CCNA2: variants seen among roughly 807,000 people sequenced by gnomAD.
CCNA2 encodes the protein cyclin-A2.
A neutral mutation model predicts 49.4 loss-of-function variants in CCNA2; 3 were observed. That is an observed-to-expected ratio of 0.06 (90% confidence interval 0.03 to 0.16). The LOEUF (loss-of-function observed/expected upper bound fraction) is 0.16. Ranked by LOEUF, CCNA2 falls within the 10% of genes least tolerant of loss-of-function variation. The pLI is 1.00. For missense variants in CCNA2, 372 were observed against 519.7 expected (o/e 0.72, Z 2.76); for synonymous variants, 206 against 197.2 (o/e 1.04, Z -0.37).
In CCNA2 at chr4:121,820,860, AAACTT is replaced by A. The variant is rs1724675115; in HGVS notation, c.571-100_571-96del. On this transcript the variant is annotated intron_variant, in intron 3 of 7. Coordinates refer to ENST00000274026, the MANE Select transcript of CCNA2 (RefSeq NM_001237.5). This position sits in a 1 kb window ranked among gnomAD's most constrained non-coding sequence, Gnocchi z 4.1. ...TTAATTACGAGAGGCTACATGCTAT[AAACTT>A]AACTGTAGCATTAGAATAATTCATT... The A allele has an allele frequency of 9.7e-6, 12 of 1,243,172 alleles. No individual in the cohort carries two copies. Among genetic ancestry groups the A allele is most frequent in the Non-Finnish European group, 1.4e-5 (12 of 868,512 alleles). The allele number at this position is 1,243,172 out of a possible 1,614,324, so 77.0% of individuals were successfully genotyped here. A position where few individuals can be genotyped will look rare whatever the true frequency, so the allele number is the denominator to read the frequency against.
In CCNA2 at chr4:121,819,902, T is replaced by C. The variant is rs149621340; in HGVS notation, c.795-323A>G. The stretch of plus-strand genomic sequence containing the variant: ...AGGAAATACAAGTCTTAGGAAAACA[T>C]GTTTCATGTTTTCATTTTTAAATTT... On this transcript the variant is annotated intron_variant, in intron 4 of 7. Transcript: ENST00000274026. Among the ~76,000 whole-genome samples the C allele has an allele frequency of 2.4e-4, 37 of 151,960 alleles. 1 individual carries two copies. The South Asian group carries it at 2.5e-3, about 10-fold the overall frequency.
intron 4 of CCNA2, among the ~76,000 whole-genome samples, chr4:121,819,834 G>C (rs3217767): frequency 1.3e-5 from 2 of 151,992 alleles, no homozygotes; most frequent in Non-Finnish European, 2.9e-5. Flanking sequence ...GAGACTTCTC[G>C]AGATGGGAAC....
At position 121,822,534 on chromosome 4, in the gene CCNA2, T is replaced by G. The variant is rs775406517; in HGVS notation, c.326A>C (p.Glu109Ala). 1.6e-5 allele frequency: 26 copies of G among 1,614,076 alleles called. No individual in the cohort carries two copies. The highest frequency in any genetic ancestry group is 1.6e-4 in the Middle Eastern group (1 of 6,084). ...FTIHVDEAEK[E>A]AQKKPAESQK... ...AGATTCAGCTGGCTTCTTCTGAGCT[T>G]CTTTTTCTGCTTCATCCACATGAAT... is the stretch of plus-strand genomic sequence containing the variant. Residue 109 changes from glutamate to alanine, a missense_variant, in exon 2 of 8, where the codon GAA (glutamate) becomes GCA (alanine). Around this residue, in one of 2 missense-constraint regions of CCNA2, gnomAD observed 217 missense variants for 231.7 expected, o/e 0.94. Coordinates refer to ENST00000274026, the MANE Select transcript of CCNA2 (RefSeq NM_001237.5).
Position 121,816,881 on chromosome 4 carries a change from T to C in CCNA2, c.*757A>G, listed in dbSNP as rs143489679. On this transcript the variant is annotated 3_prime_UTR_variant, in exon 8 of 8. Coordinates refer to ENST00000274026, the MANE Select transcript of CCNA2 (RefSeq NM_001237.5). ...AAGCTAACAGTTGTATATCTGTATA[T>C]ATAACTATTAAAAGGGATATTTATT... The C allele has an allele frequency of 7.3e-6, 11 of 1,516,416 alleles. No individual in the cohort carries two copies. In the African/African-American group the frequency reaches 1.3e-4, roughly 18 times the overall value. The allele number at this position is 1,516,416 out of a possible 1,614,324, so 93.9% of individuals were successfully genotyped here.
intron 7 of CCNA2, 38 bp downstream of exon 7, chr4:121,818,006 C>G: frequency 6.4e-7 from 1 of 1,571,598 alleles, no homozygotes; most frequent in Non-Finnish European, 8.7e-7. Context: ...GAACCATAAT[C>G]TAGAAAAGTA....
intron 6 of CCNA2, 131 bp downstream of exon 6, chr4:121,818,669 C>G: frequency 1.6e-6 from 1 of 633,130 alleles, no homozygotes; most frequent in Non-Finnish European, 2.8e-6. Flanking sequence ...TTTCAAAGGT[C>G]AACTATATAT....
intron 4 of CCNA2, 147 bp from the exon 5 acceptor site, chr4:121,819,726 G>C (rs1013504612): frequency 6.1e-5 from 38 of 619,538 alleles, no homozygotes; most frequent in Admixed American, 3.2e-4. Flanking sequence ...ATTTCTAGTA[G>C]AGACTGGATA....
Position 121,821,032 on chromosome 4 carries a change from T to G in CCNA2, c.517A>C (p.Asn173His), listed in dbSNP as rs1179819975. 6.2e-7 allele frequency: 1 copy of G among 1,613,116 alleles called. No homozygotes were observed. Among genetic ancestry groups the G allele is most frequent in the Non-Finnish European group, 8.5e-7 (1 of 1,179,344 alleles). The change falls in exon 3 of 8, where the codon AAT becomes CAT. Residue 173 changes from asparagine (N) to histidine (H), a missense_variant. Around this residue, in one of 2 missense-constraint regions of CCNA2, gnomAD observed 217 missense variants for 231.7 expected, o/e 0.94. Coordinates refer to ENST00000274026, the MANE Select transcript of CCNA2 (RefSeq NM_001237.5). ...TCCTCATGGTAGTCTGGTACTTCAT[T>G]AACACTCACTGGCTTTTCATCTTCT... ...ILEDEKPVSV[N>H]EVPDYHEDIH...
rs527647078 is a variant in CCNA2, at chr4:121,823,862, G to A, written c.-234C>T. On this transcript the variant is annotated 5_prime_UTR_variant, in exon 1 of 8. Transcript: ENST00000274026. ...CAGCGTGGCGAGCCAAAGACGCCCAGAGATGCAGCGAGCAGCCCGCCGGAG... is the reference window on the plus strand; with the variant it reads ...CAGCGTGGCGAGCCAAAGACGCCCAAAGATGCAGCGAGCAGCCCGCCGGAG... The A allele has an allele frequency of 6.0e-5, 39 of 654,840 alleles. No individual in the cohort carries two copies. The highest frequency in any genetic ancestry group is 5.8e-4 in the African/African-American group (30 of 51,720). The allele number at this position is 654,840 out of a possible 1,614,324, so 40.6% of individuals were successfully genotyped here.
At position 121,816,478 on chromosome 4, in the gene CCNA2, T is replaced by C. The variant is rs1245196827; in HGVS notation, c.*1160A>G. On this transcript the variant is annotated 3_prime_UTR_variant, in exon 8 of 8. Transcript: ENST00000274026. Reference sequence around the variant, plus strand: ...AAATTTCTGGTTTATTTCAAATGTATACATATACTCAACACTTATAGAGGT... The same window carrying C: ...AAATTTCTGGTTTATTTCAAATGTACACATATACTCAACACTTATAGAGGT... 2 of 1,342,652 alleles carry C rather than the reference T, an allele frequency of 1.5e-6. No individual in the cohort carries two copies. Among genetic ancestry groups the C allele is most frequent in the East Asian group, 2.3e-5 (1 of 42,768 alleles). 83.2% of individuals were successfully genotyped at this position (1,342,652 alleles called of 1,614,324 possible). A position where few individuals can be genotyped will look rare whatever the true frequency, so the allele number is the denominator to read the frequency against.
chr4:121,816,554 C>T lies in CCNA2; in HGVS notation c.*1084G>A. ...TGCCACATGACTATAAACAAAAAGA[C>T]ATCCCTTTTTCATTAGAGATCCATC... On this transcript the variant is annotated 3_prime_UTR_variant, in exon 8 of 8. Coordinates refer to ENST00000274026, the MANE Select transcript of CCNA2 (RefSeq NM_001237.5). 5.9e-6 allele frequency: 5 copies of T among 846,920 alleles called. No homozygotes were observed. Among genetic ancestry groups the T allele is most frequent in the Non-Finnish European group, 9.0e-6 (5 of 552,920 alleles). The allele number at this position is 846,920 out of a possible 1,614,324, so 52.5% of individuals were successfully genotyped here.
Position 121,822,523 on chromosome 4 carries a change from T to G in CCNA2, c.337A>C (p.Lys113Gln), listed in dbSNP as rs140275604. Residue 113 changes from lysine (K) to glutamine (Q), a missense_variant, in exon 2 of 8, where the codon AAG (lysine) becomes CAG (glutamine). By Grantham distance (53) the Lys-to-Gln change is moderately conservative (BLOSUM62 1). Transcript: ENST00000274026. ...VDEAEKEAQK[K>Q]PAESQKIERE... ...TCTATTTTTTGAGATTCAGCTGGCT[T>G]CTTCTGAGCTTCTTTTTCTGCTTCA... The G allele has an allele frequency of 2.2e-4, 349 of 1,614,184 alleles. 1 individual carries two copies. In the East Asian group the frequency reaches 6.9e-3, roughly 32 times the overall value.
rs1724668593 is a variant in CCNA2, at chr4:121,820,585, C to T, written c.751G>A (p.Gly251Arg). ...GCAGTGCCCACAAGCTGAAGTTTTC[C>T]TCTCAGCACTGACATGGAAGACAGG... ...RFLSSMSVLR[G>R]KLQLVGTAAM... Residue 251 changes from glycine to arginine, a missense_variant, in exon 4 of 8, where the codon GGA (glycine) becomes AGA (arginine). By Grantham distance (125) the Gly-to-Arg change is moderately radical. Transcript: ENST00000274026. The surrounding 1 kb of genome is among the most constrained non-coding windows in gnomAD (Gnocchi z 4.1). 3 of 1,614,076 alleles carry T rather than the reference C, an allele frequency of 1.9e-6. No homozygotes were observed. Among genetic ancestry groups the T allele is most frequent in the Non-Finnish European group, 2.5e-6 (3 of 1,179,956 alleles).
intron 5 of CCNA2, 68 bp downstream of exon 5, chr4:121,819,304 A>G: frequency 8.3e-7 from 1 of 1,208,644 alleles, no homozygotes; most frequent in Non-Finnish European, 1.2e-6. Context: ...TTCCTTTACA[A>G]AGGAATTAGG....
rs1724635565 is a variant in CCNA2 at position 121,819,485 on chromosome 4, G to A, written c.889C>T (p.Leu297=). The change falls in exon 5 of 8, where the codon CTA becomes TTA. Residue 297 remains leucine (L), a synonymous_variant. Coordinates refer to ENST00000274026, the MANE Select transcript of CCNA2 (RefSeq NM_001237.5). ...TCAAAAGTAAGGACTTTCAAAACTA[G>A]ATGCTCCATTCTCAGAACTTGTTTC... ...TKKQVLRMEH[L]VLKVLTFDLA... is the part of the protein sequence containing the mutation. 6.2e-7 allele frequency: 1 copy of A among 1,613,554 alleles called. No individual in the cohort carries two copies. The highest frequency in any genetic ancestry group is 1.7e-5 in the Admixed American group (1 of 60,006).
chr4:121,819,556 G>T lies in CCNA2; in HGVS notation c.818C>A (p.Pro273Gln). 1 of 1,610,950 alleles carries T rather than the reference G, an allele frequency of 6.2e-7. No homozygotes were observed. Among genetic ancestry groups the T allele is most frequent in the Non-Finnish European group, 8.5e-7 (1 of 1,177,260 alleles). The change falls in exon 5 of 8, where the codon CCA (proline) becomes CAA (glutamine). Residue 273 changes from proline (P) to glutamine (Q), a missense_variant. Physicochemically the swap from Pro to Gln is moderately conservative, Grantham distance 76. This residue lies in a region of CCNA2 where 155 missense variants were observed against 288.1 expected (regional missense o/e 0.54). Coordinates refer to ENST00000274026, the MANE Select transcript of CCNA2 (RefSeq NM_001237.5). ...LASKFEEIYP[P>Q]EVAEFVYITD... ...AATGTACACAAACTCTGCTACTTCT[G>T]GGGGGTATATTTCTTCAAACTTTCT...
chr4:121,817,674 A>T lies in CCNA2; in HGVS notation c.1263T>A (p.Val421=). Residue 421 remains valine, a synonymous_variant, in exon 8 of 8, where the codon GTT becomes GTA. Transcript: ENST00000274026. ...GTGTCTCTGGTGGGTTGAGGAGAGAAACACCATGATACCTGTAAGTAGGGA... is the reference window on the plus strand; with the variant it reads ...GTGTCTCTGGTGGGTTGAGGAGAGATACACCATGATACCTGTAAGTAGGGA... The part of the protein sequence containing the change: ...EKYKNSKYHG[V]SLLNPPETLN... 1 of 1,614,068 alleles carries T rather than the reference A, an allele frequency of 6.2e-7. No individual in the cohort carries two copies. Among genetic ancestry groups the T allele is most frequent in the Non-Finnish European group, 8.5e-7 (1 of 1,179,956 alleles).
chr4:121,819,027 A>G, intron 5 of CCNA2, 114 bp from the exon 6 acceptor site: 1 of 667,048 alleles, frequency 1.5e-6, no homozygotes, highest in Non-Finnish European at 2.7e-6. Context: ...GCAACTCTAG[A>G]AAAAATATCT....
intron 2 of CCNA2, among the ~76,000 whole-genome samples, chr4:121,821,419 A>G (rs909958291): frequency 1.3e-5 from 2 of 152,196 alleles, no homozygotes; most frequent in Non-Finnish European, 2.9e-5. Context: ...CTGTTAGGAC[A>G]GAACACTTTT....
Sources: allele counts gnomAD v4.1 joint callset (sites outside exome capture counted in the v4.1 genomes callset), GRCh38; gene constraint gnomAD v4.1.1; regional missense constraint gnomAD v4.1.1; non-coding constraint Gnocchi (gnomAD v3.1); transcripts MANE v1.5; gene names NCBI Gene and HGNC (gene_info 2026-07-23, HGNC 2026-07-21).